XPA: variants seen among roughly 807,000 people sequenced by gnomAD.
XPA encodes the protein DNA repair protein complementing XP-A cells.
Under a neutral mutation model 35.7 loss-of-function variants are expected in XPA, and 27 were observed. The ratio of observed to expected loss-of-function variants is 0.76; its 90% CI spans 0.56 to 1.04. The LOEUF (loss-of-function observed/expected upper bound fraction) is 1.04. XPA is among the 50% of genes least tolerant of loss of function. The pLI, the probability that XPA is intolerant of heterozygous loss-of-function variation, is 0.00. For missense variants in XPA, 354 were observed against 342.7 expected (o/e 1.03, Z -0.26); for synonymous variants, 133 against 118.4 (o/e 1.12, Z -0.80).
At chr9:97,659,026 C>T in the XPA span, among the ~76,000 whole-genome samples, 14,279 of 152,162 alleles carry the variant, frequency 0.094, 2,297 homozygotes, top group African/African-American at 0.33. Context: ...AAACTGAAAA[C>T]GTGTATTTGT....
At chr9:97,694,684 C>A (rs761483866) in intron 1 of XPA, among the ~76,000 whole-genome samples, 1 of 152,164 alleles carries the variant, frequency 6.6e-6, no homozygotes, top group South Asian at 2.1e-4. Context: ...ATATAATCAC[C>A]GTTTGGCAAT....
At chr9:97,656,932 C>G in the XPA span, among the ~76,000 whole-genome samples, 1 of 152,178 alleles carries the variant, frequency 6.6e-6, no homozygotes, top group African/African-American at 2.4e-5. Flanking sequence ...GTCCCAACAC[C>G]TGTATTTCCT....
intron 2 of XPA, 119 bp downstream of exon 2, chr9:97,693,530 A>G (rs921077131): frequency 2.2e-5 from 19 of 879,762 alleles, no homozygotes; most frequent in Non-Finnish European, 3.2e-5. Context: ...ACTTTTATAA[A>G]GATAATGTAC....
intron 5 of XPA, among the ~76,000 whole-genome samples, chr9:97,680,166 T>G (rs1287129315): frequency 6.6e-6 from 1 of 152,182 alleles, no homozygotes; most frequent in Non-Finnish European, 1.5e-5. Flanking sequence ...ATGCTAAGTT[T>G]CTTGAGTATG....
the XPA span, chr9:97,666,703 G>C: frequency 8.5e-7 from 1 of 1,170,630 alleles, no homozygotes; most frequent in East Asian, 2.5e-5. Flanking sequence ...AAAGTTGAAA[G>C]ATTTTATTTT....
At chr9:97,666,973 T>A in the XPA span, 1 of 957,572 alleles carries the variant, frequency 1.0e-6, no homozygotes, top group South Asian at 1.9e-5. Flanking sequence ...TTTCATTTTT[T>A]CTGAGCCCAA....
At chr9:97,693,108 T>G (rs76912318) in intron 2 of XPA, among the ~76,000 whole-genome samples, 2 of 151,840 alleles carry the variant, frequency 1.3e-5, no homozygotes, top group African/African-American at 4.8e-5. Context: ...GCCAAACTTA[T>G]GAACAAATAA....
At chr9:97,686,686 C>A (rs7038360) in intron 4 of XPA, among the ~76,000 whole-genome samples, 2 of 151,914 alleles carry the variant, frequency 1.3e-5, no homozygotes, top group Admixed American at 6.6e-5. Context: ...CAGCACTTTG[C>A]GAGGCCAAAG....
At chr9:97,671,600 G>A (rs930009906), downstream of XPA, 2 of 155,042 alleles carry the variant, frequency 1.3e-5, no homozygotes, top group East Asian at 1.9e-4. Flanking sequence ...GAATTAACAT[G>A]GCTGAAATAA....
At chr9:97,686,977 T>C in intron 4 of XPA, 119 bp downstream of exon 4, 1 of 1,016,198 alleles carries the variant, frequency 9.8e-7, no homozygotes, top group Non-Finnish European at 1.4e-6. Flanking sequence ...GTGAAGCATA[T>C]GCAAAACTAG....
chr9:97,697,323 G>C lies in XPA; in HGVS notation c.-31C>G. On this transcript the variant is annotated 5_prime_UTR_variant, in exon 1 of 6. Transcript: ENST00000375128. ...GCCCACTCCGAGGACCTAGCTCCCA[G>C]CTCCACGCACGCGCACTGCACGCCG... is the stretch of plus-strand genomic sequence containing the variant. 6.3e-7 allele frequency: 1 copy of C among 1,596,336 alleles called. No homozygotes were observed. Among genetic ancestry groups the C allele is most frequent in the Non-Finnish European group, 8.5e-7 (1 of 1,178,864 alleles).
At chr9:97,687,559 G>C (rs1404272438) in intron 3 of XPA, among the ~76,000 whole-genome samples, 1 of 152,202 alleles carries the variant, frequency 6.6e-6, no homozygotes. Flanking sequence ...AAGAGGACCA[G>C]TGTAACTAGA....
intron 5 of XPA, among the ~76,000 whole-genome samples, chr9:97,682,717 C>G (rs1000785700): frequency 1.3e-5 from 2 of 152,294 alleles, no homozygotes; most frequent in Non-Finnish European, 2.9e-5. Flanking sequence ...CAAATTCAAA[C>G]TCTTCGAAAA....
intron 5 of XPA, among the ~76,000 whole-genome samples, chr9:97,679,455 AATTTTGGAC>A (rs1212603105): frequency 1.3e-5 from 2 of 152,224 alleles, no homozygotes; most frequent in Non-Finnish European, 2.9e-5. Flanking sequence ...CTACTGGGCA[AATTTTGGAC>A]AATTTCAACA....
chr9:97,662,011 T>A, the XPA span: 522 of 1,531,726 alleles, frequency 3.4e-4, 1 homozygote, highest in Non-Finnish European at 4.6e-4. Context: ...TGTGCTTACA[T>A]TTTTCTGTTT....
downstream of XPA, chr9:97,672,729 G>A: frequency 5.6e-6 from 1 of 180,010 alleles, no homozygotes; most frequent in South Asian, 1.5e-4. Context: ...TGCTCAACGT[G>A]AAGATGATGA....
chr9:97,690,755 G>A lies in XPA; in HGVS notation c.284-1116C>T, dbSNP rs371357503. On this transcript the variant is annotated intron_variant, in intron 2 of 5. Coordinates refer to ENST00000375128, the MANE Select transcript of XPA (RefSeq NM_000380.4). ...CCAGGTTGGTCTTGAACTCCTGACCGCAGGTGATCCACCTGCCTTGGCCTC... is the reference window on the plus strand; with the variant it reads ...CCAGGTTGGTCTTGAACTCCTGACCACAGGTGATCCACCTGCCTTGGCCTC... Among the ~76,000 whole-genome samples the A allele has an allele frequency of 3.0e-4, 45 of 152,178 alleles. No individual in the cohort carries two copies. The South Asian group carries it at 6.7e-3, about 22-fold the overall frequency.
rs565515819 is a variant in XPA, at chr9:97,681,400, A to T, written c.673+3523T>A. Among the ~76,000 whole-genome samples, 5 of 152,284 alleles carry T rather than the reference A, an allele frequency of 3.3e-5. No homozygotes were observed. The East Asian group carries it at 7.7e-4, about 24-fold the overall frequency. ...GAGTAACAGAGAACTGAGTCTCCCG[A>T]ACTCTCTTGAGAGATGACTCCAGAG... On this transcript the variant is annotated intron_variant, in intron 5 of 5. Coordinates refer to ENST00000375128, the MANE Select transcript of XPA (RefSeq NM_000380.4).
At chr9:97,694,259 C>T (rs901833075) in intron 1 of XPA, among the ~76,000 whole-genome samples, 13 of 152,202 alleles carry the variant, frequency 8.5e-5, no homozygotes, top group Middle Eastern at 3.2e-3. Flanking sequence ...TGTGTGCGTG[C>T]GCACGTGTGC....
Sources: gnomAD v4.1 joint callset for allele counts (sites outside exome capture counted in the v4.1 genomes callset) on GRCh38, gnomAD v4.1.1 for gene constraint, MANE v1.5 for transcripts, NCBI Gene and HGNC (gene_info 2026-07-23, HGNC 2026-07-21) for gene names.